The following MDGA2 variants were observed in gnomAD, a reference collection of about 807,000 sequenced individuals.
MDGA2 encodes the protein MAM domain-containing glycosylphosphatidylinositol anchor protein 2.
MDGA2 carries 40 observed loss-of-function variants against 117.8 expected under a neutral mutation model. The ratio of observed to expected loss-of-function variants is 0.34; its 90% CI spans 0.26 to 0.44. The LOEUF (loss-of-function observed/expected upper bound fraction) is 0.44, where lower values mean the gene tolerates loss of function less well. MDGA2 is among the 20% of genes least tolerant of loss of function. MDGA2 has a pLI of 1.00. For missense variants in MDGA2, 1,123 were observed against 1,250.6 expected (o/e 0.90, Z 1.54); for synonymous variants, 452 against 439.0 (o/e 1.03, Z -0.37).
chr14:47,015,321 TAAAA>T (rs5808372), intron 8 of MDGA2, among the ~76,000 whole-genome samples: 1 of 145,252 alleles, frequency 6.9e-6, no homozygotes, highest in Non-Finnish European at 1.5e-5. Context: ...CACATGCTGT[TAAAA>T]AAAAAAAAAA....
chr14:46,866,597 A>T (rs996770883), intron 14 of MDGA2, among the ~76,000 whole-genome samples: 2 of 152,140 alleles, frequency 1.3e-5, no homozygotes, highest in African/African-American at 4.8e-5. Context: ...CACCAGAGTG[A>T]ACAGGCAACC....
At chr14:47,531,425 T>C (rs1042873139) in intron 1 of MDGA2, among the ~76,000 whole-genome samples, 2 of 152,124 alleles carry the variant, frequency 1.3e-5, no homozygotes, top group African/African-American at 4.8e-5. Context: ...CAAAAGACAA[T>C]ACTAGCAGCG....
At chr14:47,059,207 A>G (rs1388703833) in intron 7 of MDGA2, 2 of 873,206 alleles carry the variant, frequency 2.3e-6, no homozygotes, top group Non-Finnish European at 3.2e-6. Flanking sequence ...TCTATGTGCC[A>G]TGTATTGTTT....
chr14:47,630,274 G>A (rs546338978), intron 1 of MDGA2, among the ~76,000 whole-genome samples: 12 of 152,030 alleles, frequency 7.9e-5, no homozygotes, highest in Admixed American at 3.9e-4. Context: ...TATAAGTATC[G>A]GTTACATGGA....
intron 1 of MDGA2, among the ~76,000 whole-genome samples, chr14:47,544,370 T>C (rs910700010): frequency 2.0e-5 from 3 of 152,186 alleles, no homozygotes; most frequent in Non-Finnish European, 4.4e-5. Flanking sequence ...ATAAAATATA[T>C]GCTTCCTAAA....
intron 1 of MDGA2, among the ~76,000 whole-genome samples, chr14:47,561,162 TGTTTTTTTGTTTGTTTG>T (rs1895801830): frequency 2.3e-5 from 2 of 87,660 alleles, no homozygotes; most frequent in South Asian, 6.3e-4. Flanking sequence ...TGTTTTGTTT[TGTTTTTTTGTTTGTTTG>T]TTTTTTTTTG....
chr14:46,985,828 T>C (rs1030002647), intron 8 of MDGA2, among the ~76,000 whole-genome samples: 21 of 152,074 alleles, frequency 1.4e-4, no homozygotes, highest in African/African-American at 4.8e-4. Context: ...GTGAAAAGAA[T>C]GTTAAGAATC....
At chr14:47,464,071 G>A (rs948246686) in intron 1 of MDGA2, among the ~76,000 whole-genome samples, 26 of 148,420 alleles carry the variant, frequency 1.8e-4, no homozygotes, top group African/African-American at 6.0e-4. Context: ...GGGTAGTTTA[G>A]CTTTAAAATT....
At chr14:47,110,372 C>A (rs767554698) in intron 5 of MDGA2, among the ~76,000 whole-genome samples, 4 of 152,098 alleles carry the variant, frequency 2.6e-5, no homozygotes, top group Non-Finnish European at 5.9e-5. Flanking sequence ...ATTTAAAGCT[C>A]TTTTCTGAGT....
At chr14:47,465,907 T>C (rs1468656711) in intron 1 of MDGA2, among the ~76,000 whole-genome samples, 2 of 152,152 alleles carry the variant, frequency 1.3e-5, no homozygotes, top group African/African-American at 4.8e-5. Flanking sequence ...CTATTCACAA[T>C]AGCAGACATG....
intron 2 of MDGA2, among the ~76,000 whole-genome samples, chr14:47,220,316 C>A (rs1175509905): frequency 6.6e-6 from 1 of 152,158 alleles, no homozygotes; most frequent in Non-Finnish European, 1.5e-5. Flanking sequence ...GAAAAAGGGA[C>A]AAACTTGTAA....
At chr14:47,672,140 C>A (rs761472931) in intron 1 of MDGA2, among the ~76,000 whole-genome samples, 4 of 152,152 alleles carry the variant, frequency 2.6e-5, no homozygotes, top group African/African-American at 4.8e-5. Context: ...CTTTGAGAAC[C>A]TAACTTCTGT....
At chr14:47,536,721 TACTA>T (rs1325268479) in intron 1 of MDGA2, among the ~76,000 whole-genome samples, 1 of 152,248 alleles carries the variant, frequency 6.6e-6, no homozygotes, top group Non-Finnish European at 1.5e-5. Context: ...ATTGCACTAC[TACTA>T]ACTTCTATGA....
At chr14:47,249,648 T>C (rs766792157) in intron 2 of MDGA2, among the ~76,000 whole-genome samples, 5 of 152,328 alleles carry the variant, frequency 3.3e-5, no homozygotes, top group Middle Eastern at 3.4e-3. Context: ...ACAATTCTTA[T>C]GGCCTCTTTA....
chr14:47,617,850 T>C (rs530085662), intron 1 of MDGA2, among the ~76,000 whole-genome samples: 12 of 152,266 alleles, frequency 7.9e-5, no homozygotes, highest in Non-Finnish European at 1.5e-4. Context: ...GAATGGTGGG[T>C]AAATTCATGT....
At chr14:47,527,303 A>T (rs564688499) in intron 1 of MDGA2, among the ~76,000 whole-genome samples, 1 of 152,358 alleles carries the variant, frequency 6.6e-6, no homozygotes, top group South Asian at 2.1e-4. Flanking sequence ...ACTAGACACA[A>T]TCTCTTGGTT....
intron 9 of MDGA2, 96 bp downstream of exon 9, chr14:46,957,278 G>A (rs1232675738): frequency 1.6e-6 from 2 of 1,231,332 alleles, no homozygotes; most frequent in East Asian, 4.9e-5. Context: ...ATGCTCCATT[G>A]ATTTACAAAT....
chr14:47,493,909 T>A (rs10138583), intron 1 of MDGA2, among the ~76,000 whole-genome samples: 1 of 151,882 alleles, frequency 6.6e-6, no homozygotes, highest in Admixed American at 6.6e-5. Flanking sequence ...TGTGTCCTCA[T>A]CCAAAATTTC....
chr14:47,105,055 G>T (rs1427062807), intron 5 of MDGA2, among the ~76,000 whole-genome samples: 1 of 152,102 alleles, frequency 6.6e-6, no homozygotes, highest in Non-Finnish European at 1.5e-5. Context: ...TCATTGCAGG[G>T]ACGCCTCTCT....
Sources: gnomAD v4.1 joint callset for allele counts (sites outside exome capture counted in the v4.1 genomes callset) on GRCh38, gnomAD v4.1.1 for gene constraint, MANE v1.5 for transcripts, NCBI Gene and HGNC (gene_info 2026-07-23, HGNC 2026-07-21) for gene names.